The following KIRREL2 variants were observed in gnomAD, a reference collection of about 807,000 sequenced individuals.
The protein encoded by KIRREL2 is kin of IRRE-like protein 2.
In KIRREL2, 56 loss-of-function variants were observed where a neutral mutation model predicts 73.4. The observed-to-expected ratio is 0.76, with a 90% CI of 0.62 to 0.95. KIRREL2 has a LOEUF of 0.95. KIRREL2 is among the 40% of genes least tolerant of loss of function. The probability of loss-of-function intolerance (pLI) is 0.00; values close to 1 mark genes in which losing one functional copy is unlikely to be tolerated. For missense variants in KIRREL2, 896 were observed against 935.0 expected (o/e 0.96, Z 0.54); for synonymous variants, 407 against 404.0 (o/e 1.01, Z -0.09).
At chr19:35,853,190 G>A (rs1973321218), upstream of KIRREL2, among the ~76,000 whole-genome samples, 1 of 152,188 alleles carries the variant, frequency 6.6e-6, no homozygotes, top group African/African-American at 2.4e-5. Flanking sequence ...GGGAGAGTGT[G>A]GGAGAGAGGG....
chr19:35,858,952 G>T, intron 4 of KIRREL2, 88 bp downstream of exon 4: 1 of 1,416,246 alleles, frequency 7.1e-7, no homozygotes, highest in South Asian at 1.2e-5. Flanking sequence ...AAGAGAAGAA[G>T]ACATGGGAGG....
Position 35,862,590 on chromosome 19 carries a change from C to A in KIRREL2, c.1608C>A (p.His536Gln), listed in dbSNP as rs1336100621. Residue 536 changes from histidine (H) to glutamine (Q), a missense_variant, in exon 12 of 15, where the codon CAC becomes CAA. By Grantham distance (24) the His-to-Gln change is conservative. Transcript: ENST00000360202. Reference sequence around the variant, plus strand: ...GGGTGGCCCTCTGCTGCTGGCGCCACAGCAAGGGTTAGTGCCTGAGCCCCG... The same window carrying A: ...GGGTGGCCCTCTGCTGCTGGCGCCAAAGCAAGGGTTAGTGCCTGAGCCCCG... The part of the protein sequence containing the change: ...ITGVALCCWR[H>Q]SKASASFSEQ... The A allele has an allele frequency of 1.9e-6, 3 of 1,605,920 alleles. No homozygotes were observed. Among genetic ancestry groups the A allele is most frequent in the Non-Finnish European group, 2.5e-6 (3 of 1,178,608 alleles).
At chr19:35,861,367 G>T (rs756375410) in intron 9 of KIRREL2, 113 bp downstream of exon 9, 8 of 1,492,748 alleles carry the variant, frequency 5.4e-6, no homozygotes, top group Admixed American at 2.3e-5. Flanking sequence ...ACACCCAGCG[G>T]GGGCTGGAGA....
At position 35,860,891 on chromosome 19, in the gene KIRREL2, C is replaced by A. The variant is rs199967070; in HGVS notation, c.929-18C>A. 5.6e-6 allele frequency: 9 copies of A among 1,613,474 alleles called. No homozygotes were observed. The East Asian group carries it at 2.0e-4, about 36-fold the overall frequency. Reference sequence around the variant, plus strand: ...GCATTCCGCCCCGGCCATGTGACCCCTAGTCTCTTTCGTCCAGTTGGGCCG... The same window carrying A: ...GCATTCCGCCCCGGCCATGTGACCCATAGTCTCTTTCGTCCAGTTGGGCCG... On this transcript the variant is annotated intron_variant, in intron 7 of 14. Transcript: ENST00000360202.
At chr19:35,856,280 GGGCCCGGCCGGCCGAGT>G (rs1272255221), upstream of KIRREL2, among the ~76,000 whole-genome samples, 2 of 152,296 alleles carry the variant, frequency 1.3e-5, no homozygotes, top group Admixed American at 1.3e-4. The surrounding 1 kb of genome is among the most constrained non-coding windows in gnomAD (Gnocchi z 5.9). Context: ...CCAGGCCGAG[GGGCCCGGCCGGCCGAGT>G]GGGGAGAGGG....
chr19:35,864,225 C>T (rs1973853573), intron 13 of KIRREL2, among the ~76,000 whole-genome samples: 1 of 151,672 alleles, frequency 6.6e-6, no homozygotes, highest in South Asian at 2.1e-4. Flanking sequence ...GAGTCTTGCT[C>T]TGTCGTCCAA....
chr19:35,853,454 C>T (rs928111727), upstream of KIRREL2, among the ~76,000 whole-genome samples: 1 of 152,204 alleles, frequency 6.6e-6, no homozygotes, highest in Admixed American at 6.5e-5. Context: ...TCTCCCATCT[C>T]TTCTTTCCTT....
At position 35,860,634 on chromosome 19, in the gene KIRREL2, A is replaced by G; in HGVS notation, c.895A>G (p.Ser299Gly). 6.2e-7 allele frequency: 1 copy of G among 1,603,236 alleles called. No individual in the cohort carries two copies. Among genetic ancestry groups the G allele is most frequent in the Non-Finnish European group, 8.5e-7 (1 of 1,179,882 alleles). ...CTGCGAGGTCAGCAACGCCGTGGGT[A>G]GCGCCAACCGCAGTACTGCGCTGGA... Reference protein sequence around the residue: ...VSCEVSNAVGSANRSTALDVL... With the variant: ...VSCEVSNAVGGANRSTALDVL... The change falls in exon 7 of 15, where the codon AGC becomes GGC. Residue 299 changes from serine (S) to glycine (G), a missense_variant. Coordinates refer to ENST00000360202, the MANE Select transcript of KIRREL2 (RefSeq NM_199180.4).
At chr19:35,864,441 C>T (rs112865139) in intron 13 of KIRREL2, among the ~76,000 whole-genome samples, 3 of 152,150 alleles carry the variant, frequency 2.0e-5, no homozygotes, top group Admixed American at 6.5e-5. Flanking sequence ...ACTCCTGCTG[C>T]GGCCTCCCAA....
At chr19:35,851,888 G>T, upstream of KIRREL2, 1 of 1,502,038 alleles carries the variant, frequency 6.7e-7, no homozygotes, top group Admixed American at 2.0e-5. Context: ...AGCCACCTGC[G>T]TCTGTCTGGC....
chr19:35,863,599 C>T (rs1013150573), intron 13 of KIRREL2, among the ~76,000 whole-genome samples: 10 of 151,710 alleles, frequency 6.6e-5, no homozygotes, highest in African/African-American at 2.4e-4. Flanking sequence ...ATTACAGGCG[C>T]CCACCACCAC....
chr19:35,853,258 T>A (rs1241020040), upstream of KIRREL2, among the ~76,000 whole-genome samples: 1 of 152,136 alleles, frequency 6.6e-6, no homozygotes, highest in Non-Finnish European at 1.5e-5. Context: ...TGAACTGCGA[T>A]CTGTAATAAG....
chr19:35,855,263 C>T (rs1431310490), upstream of KIRREL2, among the ~76,000 whole-genome samples: 1 of 152,048 alleles, frequency 6.6e-6, no homozygotes, highest in East Asian at 1.9e-4. Context: ...CCCTAGGTGC[C>T]AGAGCGTGGA....
At position 35,858,481 on chromosome 19, in the gene KIRREL2, A is replaced by T; in HGVS notation, c.285A>T (p.Leu95=). ...ACCTCCACATTAGGCCCGTGGAGCT[A>T]GAGGATGAAGCATCATATGAATGTC... ...QHDLHIRPVE[L]EDEASYECQA... is the part of the protein sequence containing the mutation. The change falls in exon 3 of 15, where the codon CTA becomes CTT. Residue 95 remains leucine, a synonymous_variant. Coordinates refer to ENST00000360202, the MANE Select transcript of KIRREL2 (RefSeq NM_199180.4). 1 of 1,614,204 alleles carries T rather than the reference A, an allele frequency of 6.2e-7. No individual in the cohort carries two copies.
At chr19:35,855,730 T>A (rs1209297870), upstream of KIRREL2, 1 of 150,026 alleles carries the variant, frequency 6.7e-6, no homozygotes, top group Non-Finnish European at 1.5e-5. Flanking sequence ...TTAGGACAGA[T>A]GTTCACGGTC....
chr19:35,851,796 C>A (rs2146833432), upstream of KIRREL2: 2 of 1,553,328 alleles, frequency 1.3e-6, no homozygotes, highest in African/African-American at 1.4e-5. Flanking sequence ...TCAGCAGCCC[C>A]AGGAGCAGGA....
rs762476394 is a variant in KIRREL2 at position 35,860,529 on chromosome 19, G to A, written c.790G>A (p.Gly264Arg). The change falls in exon 7 of 15, where the codon GGG (glycine) becomes AGG (arginine). Residue 264 changes from glycine (G) to arginine (R), a missense_variant. By Grantham distance (125) the Gly-to-Arg change is moderately radical. Transcript: ENST00000360202. ...PPVTGYRWAK[G>R]GSPVLGARGP... ...CCACCATTTCCTCAGGTGGGCAAAA[G>A]GGGGCTCTCCGGTGCTCGGGGCCCG... The A allele has an allele frequency of 1.7e-5, 27 of 1,602,940 alleles. No homozygotes were observed. The highest frequency in any genetic ancestry group is 2.2e-5 in the Non-Finnish European group (26 of 1,179,912).
Position 35,858,398 on chromosome 19 carries a change from C to T in KIRREL2, c.212-10C>T. 6.2e-7 allele frequency: 1 copy of T among 1,609,402 alleles called. No homozygotes were observed. Among genetic ancestry groups the T allele is most frequent in the Non-Finnish European group, 8.5e-7 (1 of 1,176,216 alleles). ...CCATGGTGTGCTGACTGCCTTCTCC[C>T]TGACTCCAGGGTGGTCCCGGTACTG... On this transcript the variant is annotated splice_polypyrimidine_tract_variant and intron_variant, in intron 2 of 14. Transcript: ENST00000360202.
At position 35,857,159 on chromosome 19, in the gene KIRREL2, T is replaced by G; in HGVS notation, c.40T>G (p.Phe14Val). 1.9e-6 allele frequency: 3 copies of G among 1,613,480 alleles called. No individual in the cohort carries two copies. The highest frequency in any genetic ancestry group is 2.5e-6 in the Non-Finnish European group (3 of 1,179,882). Reference protein sequence around the residue: ...MRVPALLVLLFCFRGRAGPSP... With the variant: ...MRVPALLVLLVCFRGRAGPSP... The stretch of plus-strand genomic sequence containing the variant: ...GGTCCCCGCCCTCCTCGTCCTCCTC[T>G]TCTGCTTCAGAGGGAGAGCAGGTAC... The change falls in exon 1 of 15, where the codon TTC becomes GTC. Residue 14 changes from phenylalanine to valine, a missense_variant. Physicochemically the swap from Phe to Val is conservative, Grantham distance 50. Transcript: ENST00000360202.
Sources: allele counts gnomAD v4.1 joint callset (sites outside exome capture counted in the v4.1 genomes callset), GRCh38; gene constraint gnomAD v4.1.1; non-coding constraint Gnocchi (gnomAD v3.1); transcripts MANE v1.5; gene names NCBI Gene and HGNC (gene_info 2026-07-23, HGNC 2026-07-21).